PDCD4: variants seen among roughly 807,000 people sequenced by gnomAD.
PDCD4 encodes the protein programmed cell death 4.
Under a neutral mutation model 54.0 loss-of-function variants are expected in PDCD4, and 56 were observed. The observed-to-expected ratio is 1.04, with a 90% confidence interval of 0.84 to 1.30. PDCD4 has a LOEUF of 1.30. Ranked by LOEUF, PDCD4 falls within the 50% of genes most tolerant of loss-of-function variation. PDCD4 has a pLI of 0.00. For synonymous variants in PDCD4, 186 were observed against 194.8 expected (o/e 0.95, Z 0.37); for missense variants, 584 against 559.8 (o/e 1.04, Z -0.44).
Position 110,889,521 on chromosome 10 carries a change from T to TC in PDCD4, c.778-10dup. ...ACTTTTTTTATAGCTCTTTTTTTTT[T>TC]CCTTTTTACAGTTGGTGGGCCAGTT... On this transcript the variant is annotated splice_polypyrimidine_tract_variant and intron_variant, in intron 6 of 11. Transcript: ENST00000280154. The TC allele has an allele frequency of 6.8e-7, 1 of 1,470,244 alleles. No homozygotes were observed. The highest frequency in any genetic ancestry group is 9.4e-7 in the Non-Finnish European group (1 of 1,066,678). The allele number at this position is 1,470,244 out of a possible 1,614,324, so 91.1% of individuals were successfully genotyped here.
In PDCD4 at chr10:110,885,364, G is replaced by C; in HGVS notation, c.553G>C (p.Ala185Pro). The change falls in exon 5 of 12, where the codon GCG (alanine) becomes CCG (proline). Residue 185 changes from alanine (A) to proline (P), a missense_variant and splice_region_variant. Transcript: ENST00000280154. The part of the protein sequence containing the change: ...YFEHGDTNEV[A>P]EMLRDLNLGE... Reference sequence around the variant, plus strand: ...TGAGCATGGAGATACTAATGAAGTTGCGGTAGGTTTAAAGTTGCAAGTATA... The same window carrying C: ...TGAGCATGGAGATACTAATGAAGTTCCGGTAGGTTTAAAGTTGCAAGTATA... The C allele has an allele frequency of 6.8e-7, 1 of 1,464,836 alleles. No individual in the cohort carries two copies. The highest frequency in any genetic ancestry group is 9.5e-7 in the Non-Finnish European group (1 of 1,052,186). 90.7% of individuals were successfully genotyped at this position (1,464,836 alleles called of 1,614,324 possible). A position where few individuals can be genotyped will look rare whatever the true frequency, so the allele number is the denominator to read the frequency against.
intron 6 of PDCD4, among the ~76,000 whole-genome samples, chr10:110,888,522 A>T (rs1845705090): frequency 6.6e-6 from 1 of 152,134 alleles, no homozygotes; most frequent in Admixed American, 6.5e-5. Context: ...GTTTATATTT[A>T]TTGTAGAATT....
intron 1 of PDCD4, among the ~76,000 whole-genome samples, chr10:110,875,172 A>G (rs948845360): frequency 2.0e-5 from 3 of 152,180 alleles, no homozygotes; most frequent in African/African-American, 4.8e-5. Context: ...TTGGATCTGT[A>G]TCACTAAGTT....
rs72819729 is a variant in PDCD4 at position 110,896,599 on chromosome 10, G to T, written c.1349+512G>T. Reference sequence around the variant, plus strand: ...GGGTGTGTGGAGGATGTTCTCACTGGAAAGTGTATGTGTGTGGGTGATTTT... The same window carrying T: ...GGGTGTGTGGAGGATGTTCTCACTGTAAAGTGTATGTGTGTGGGTGATTTT... On this transcript the variant is annotated intron_variant, in intron 11 of 11. Transcript: ENST00000280154. Among the ~76,000 whole-genome samples the T allele has an allele frequency of 1.8e-3, 267 of 152,166 alleles. 1 individual carries two copies. Among genetic ancestry groups the T allele is most frequent in the Admixed American group, 4.9e-3 (74 of 15,254 alleles).
intron 1 of PDCD4, among the ~76,000 whole-genome samples, chr10:110,874,379 A>T (rs189185467): frequency 2.1e-4 from 32 of 152,348 alleles, no homozygotes; most frequent in African/African-American, 7.0e-4. Flanking sequence ...AACACGTATC[A>T]TATGACATTA....
At chr10:110,897,995 CTG>C (rs751567129) in intron 11 of PDCD4, 31 bp from the exon 12 acceptor site, 1 of 1,482,134 alleles carries the variant, frequency 6.7e-7, no homozygotes, top group Admixed American at 2.0e-5. Flanking sequence ...GAATTTGTAT[CTG>C]TTTTCATGTC....
At chr10:110,872,671 G>C (rs1192625750) in intron 1 of PDCD4, among the ~76,000 whole-genome samples, 1 of 152,228 alleles carries the variant, frequency 6.6e-6, no homozygotes, top group Non-Finnish European at 1.5e-5. Context: ...AGGCGAACAC[G>C]TGCCCGCCGC....
rs1441424023 is a variant in PDCD4, at chr10:110,898,507, C to T, written c.*419C>T. On this transcript the variant is annotated 3_prime_UTR_variant, in exon 12 of 12. Coordinates refer to ENST00000280154, the MANE Select transcript of PDCD4 (RefSeq NM_014456.5). The stretch of plus-strand genomic sequence containing the variant: ...TGCTAAAACCCCATGTTGGCTGCTG[C>T]TGTTGAGATACTGTGCTTTGGGAGT... 1 of 153,962 alleles carries T rather than the reference C, an allele frequency of 6.5e-6. No individual in the cohort carries two copies. Among genetic ancestry groups the T allele is most frequent in the Non-Finnish European group, 1.4e-5 (1 of 69,040 alleles). The allele number at this position is 153,962 out of a possible 1,614,324, so 9.5% of individuals were successfully genotyped here.
intron 1 of PDCD4, 95 bp from the exon 2 acceptor site, chr10:110,875,871 T>G: frequency 2.2e-6 from 1 of 463,790 alleles, no homozygotes; most frequent in Non-Finnish European, 3.9e-6. Flanking sequence ...GTTGTTGTCG[T>G]TTGTTTTTAC....
At chr10:110,886,474 T>G (rs1845671460) in intron 5 of PDCD4, among the ~76,000 whole-genome samples, 1 of 152,108 alleles carries the variant, frequency 6.6e-6, no homozygotes, top group Non-Finnish European at 1.5e-5. Flanking sequence ...ATGCAGTCAG[T>G]GAGAAGAGAT....
chr10:110,877,974 A>G (rs1188177885), intron 2 of PDCD4, among the ~76,000 whole-genome samples: 4 of 152,170 alleles, frequency 2.6e-5, no homozygotes, highest in Non-Finnish European at 5.9e-5. Flanking sequence ...TAATTATGCC[A>G]CTCATTGGAC....
intron 2 of PDCD4, chr10:110,876,662 T>C: frequency 1.1e-6 from 1 of 949,748 alleles, no homozygotes; most frequent in Non-Finnish European, 1.4e-6. Context: ...ATATTCTAAA[T>C]TACCTAGGGT....
At chr10:110,891,625 AC>A (rs1449465359) in intron 8 of PDCD4, among the ~76,000 whole-genome samples, 2 of 152,136 alleles carry the variant, frequency 1.3e-5, no homozygotes, top group African/African-American at 4.8e-5. Context: ...TCATGTAACT[AC>A]AATTTTGATT....
chr10:110,872,275 G>A (rs938285563), intron 1 of PDCD4: 1 of 152,476 alleles, frequency 6.6e-6, no homozygotes, highest in Non-Finnish European at 1.5e-5. Flanking sequence ...GGAGCGTGTC[G>A]GCGCGGGCCC....
intron 5 of PDCD4, among the ~76,000 whole-genome samples, chr10:110,885,571 T>C (rs1426730715): frequency 6.6e-6 from 1 of 151,994 alleles, no homozygotes; most frequent in Non-Finnish European, 1.5e-5. Flanking sequence ...TGTGCCATTT[T>C]GTTCTCTGAA....
Position 110,876,004 on chromosome 10 carries a change from C to T in PDCD4, c.-24C>T, listed in dbSNP as rs201259173. ...ATTTCCATTAGGTAATTTGTTTAAT[C>T]AGTGCAAGCGAAATTAAGGGAAAAT... On this transcript the variant is annotated 5_prime_UTR_variant, in exon 2 of 12. Transcript: ENST00000280154. 5 of 1,573,268 alleles carry T rather than the reference C, an allele frequency of 3.2e-6. No individual in the cohort carries two copies. Among genetic ancestry groups the T allele is most frequent in the Admixed American group, 1.8e-5 (1 of 56,002 alleles).
intron 4 of PDCD4, 137 bp from the exon 5 acceptor site, chr10:110,885,116 G>T (rs918132418): frequency 1.8e-5 from 9 of 501,570 alleles, no homozygotes; most frequent in African/African-American, 4.0e-5. Flanking sequence ...TTTTATATGC[G>T]ATCAATGTAT....
At chr10:110,897,674 G>A (rs1412471647) in intron 11 of PDCD4, among the ~76,000 whole-genome samples, 1 of 152,058 alleles carries the variant, frequency 6.6e-6, no homozygotes, top group African/African-American at 2.4e-5. Context: ...AATTATGTTA[G>A]TGTTTCCTAT....
Position 110,898,158 on chromosome 10 carries a change from GTTTTTTT to G in PDCD4, c.*84_*90del. 2 of 385,420 alleles carry G rather than the reference GTTTTTTT, an allele frequency of 5.2e-6. No homozygotes were observed. The highest frequency in any genetic ancestry group is 8.4e-6 in the Non-Finnish European group (2 of 239,314). 23.9% of individuals were successfully genotyped at this position (385,420 alleles called of 1,614,324 possible). A position where few individuals can be genotyped will look rare whatever the true frequency, so the allele number is the denominator to read the frequency against. On this transcript the variant is annotated 3_prime_UTR_variant, in exon 12 of 12. Transcript: ENST00000280154. ...TGAATTGTAAGAGTTGTTAGCACAAGTTTTTTTTTTTTTTTTTTTTAAGCACTTGTTT... is the reference window on the plus strand; with the variant it reads ...TGAATTGTAAGAGTTGTTAGCACAAGTTTTTTTTTTTTTAAGCACTTGTTT...
Sources: allele counts gnomAD v4.1 joint callset (sites outside exome capture counted in the v4.1 genomes callset), GRCh38; gene constraint gnomAD v4.1.1; transcripts MANE v1.5; gene names NCBI Gene and HGNC (gene_info 2026-07-23, HGNC 2026-07-21).